Variants in FSTL4 observed in about 807,000 individuals in gnomAD.
FSTL4 encodes follistatin like 4.
FSTL4 carries 28 observed loss-of-function variants against 78.2 expected under a neutral mutation model. That is an observed-to-expected ratio of 0.36 (90% CI 0.27 to 0.49). The LOEUF (loss-of-function observed/expected upper bound fraction) is 0.49. FSTL4 is among the 20% of genes least tolerant of loss of function. The pLI, the probability that FSTL4 is intolerant of heterozygous loss-of-function variation, is 0.98. For synonymous variants in FSTL4, 422 were observed against 440.5 expected (o/e 0.96, Z 0.53); for missense variants, 922 against 1,084.9 (o/e 0.85, Z 2.11).
intron 5 of FSTL4, 145 bp downstream of exon 5, chr5:133,316,314 G>T (rs1446493356): frequency 6.6e-6 from 4 of 608,222 alleles, no homozygotes; most frequent in Non-Finnish European, 1.1e-5. Flanking sequence ...GCTAAAGGTG[G>T]CTGGTGGGAA....
chr5:133,418,539 G>A (rs1334279502), intron 3 of FSTL4, among the ~76,000 whole-genome samples: 2 of 151,818 alleles, frequency 1.3e-5, no homozygotes, highest in Non-Finnish European at 2.9e-5. Context: ...TATGGAAATG[G>A]TTATAGAAAT....
chr5:133,667,124 G>C, the FSTL4 span, among the ~76,000 whole-genome samples: 1 of 152,072 alleles, frequency 6.6e-6, no homozygotes, highest in African/African-American at 2.4e-5. Context: ...TCTCCGTCTC[G>C]ACAAAAGGCC....
At chr5:133,554,115 T>C (rs893216029) in intron 3 of FSTL4, among the ~76,000 whole-genome samples, 9 of 152,160 alleles carry the variant, frequency 5.9e-5, no homozygotes, top group Non-Finnish European at 1.0e-4. Flanking sequence ...CCATGAATGG[T>C]AGAGACTAGA....
intron 4 of FSTL4, among the ~76,000 whole-genome samples, chr5:133,353,256 G>T (rs1754869224): frequency 6.6e-6 from 1 of 152,196 alleles, no homozygotes; most frequent in Admixed American, 6.5e-5. Flanking sequence ...ATGTAATTGG[G>T]CCTTACAAAT....
the FSTL4 span, among the ~76,000 whole-genome samples, chr5:133,769,804 A>G: frequency 0.54 from 81,495 of 151,990 alleles, 22,527 homozygotes; most frequent in Non-Finnish European, 0.61. Flanking sequence ...CCATCACCTG[A>G]ATAGTGAACA....
At chr5:133,268,909 C>T (rs764750337) in intron 6 of FSTL4, among the ~76,000 whole-genome samples, 3 of 151,350 alleles carry the variant, frequency 2.0e-5, no homozygotes, top group African/African-American at 7.3e-5. Context: ...AGGCTGGGCG[C>T]GGTGGCTCGT....
chr5:133,333,627 G>C (rs7715891), intron 4 of FSTL4, among the ~76,000 whole-genome samples: 15,534 of 152,224 alleles, frequency 0.1, 1,084 homozygotes, highest in African/African-American at 0.19. Flanking sequence ...AGAAATGTAG[G>C]GAACACAAAG....
chr5:133,838,182 C>A, the FSTL4 span, among the ~76,000 whole-genome samples: 1 of 152,232 alleles, frequency 6.6e-6, no homozygotes, highest in South Asian at 2.1e-4. Context: ...GCCACCGTGC[C>A]CAGCCAAGAT....
At position 133,251,174 on chromosome 5, in the gene FSTL4, T is replaced by G. The variant is rs1314881102; in HGVS notation, c.728-1598A>C. Among the ~76,000 whole-genome samples, 38 of 152,238 alleles carry G rather than the reference T, an allele frequency of 2.5e-4. 1 individual carries two copies. The highest frequency in any genetic ancestry group is 2.5e-3 in the Admixed American group (38 of 15,280). On this transcript the variant is annotated intron_variant, in intron 6 of 15. Transcript: ENST00000265342. ...GAGAGAAGGCACTAACTCTGTAGCA[T>G]GACCCGGCCTTTGGAGAGGGGAAAG...
intron 3 of FSTL4, among the ~76,000 whole-genome samples, chr5:133,492,710 A>G (rs1029215444): frequency 2.0e-5 from 3 of 152,094 alleles, no homozygotes; most frequent in Non-Finnish European, 4.4e-5. Flanking sequence ...AGGCATTTAT[A>G]TCTTTAAAAA....
chr5:133,712,566 C>CG, the FSTL4 span, among the ~76,000 whole-genome samples: 1 of 152,198 alleles, frequency 6.6e-6, no homozygotes, highest in Non-Finnish European at 1.5e-5. Context: ...TGAGTTAACA[C>CG]GGGTAACCCC....
intron 5 of FSTL4, among the ~76,000 whole-genome samples, chr5:133,315,092 G>A (rs912928840): frequency 6.6e-6 from 1 of 152,160 alleles, no homozygotes; most frequent in African/African-American, 2.4e-5. Flanking sequence ...AGCCTGGGAG[G>A]CAGAGGCTGC....
chr5:133,455,476 AGC>A (rs1757469559), intron 3 of FSTL4, among the ~76,000 whole-genome samples: 3 of 67,032 alleles, frequency 4.5e-5, no homozygotes, highest in South Asian at 3.8e-4. Flanking sequence ...TTGTTTTTTA[AGC>A]ATATATATAT....
chr5:133,335,584 G>T (rs1296756318), intron 4 of FSTL4, among the ~76,000 whole-genome samples: 1 of 151,516 alleles, frequency 6.6e-6, no homozygotes, highest in Non-Finnish European at 1.5e-5. Flanking sequence ...TACCTGAAAT[G>T]TCCCCCTATC....
intron 6 of FSTL4, among the ~76,000 whole-genome samples, chr5:133,287,404 AT>A (rs1303197925): frequency 2.0e-5 from 3 of 150,386 alleles, no homozygotes; most frequent in African/African-American, 7.5e-5. Flanking sequence ...AAAAAAAAAA[AT>A]GCTTTGTAGG....
the FSTL4 span, among the ~76,000 whole-genome samples, chr5:133,836,638 T>TC: frequency 1.3e-5 from 2 of 151,972 alleles, no homozygotes. Flanking sequence ...CTTCAGATGT[T>TC]CCTTTTTTTT....
chr5:133,368,954 A>G (rs999641895), intron 4 of FSTL4, among the ~76,000 whole-genome samples: 1 of 152,194 alleles, frequency 6.6e-6, no homozygotes, highest in Non-Finnish European at 1.5e-5. Flanking sequence ...TTTTCTGCAT[A>G]AAGGGGATTT....
chr5:133,791,712 C>G, the FSTL4 span, among the ~76,000 whole-genome samples: 6 of 152,352 alleles, frequency 3.9e-5, no homozygotes, highest in Admixed American at 2.6e-4. Flanking sequence ...TCCCCTGCAG[C>G]CTTGTCCATT....
At chr5:133,293,046 G>A (rs1338886348) in intron 6 of FSTL4, among the ~76,000 whole-genome samples, 2 of 152,226 alleles carry the variant, frequency 1.3e-5, no homozygotes, top group Non-Finnish European at 2.9e-5. Context: ...TCCCCTCTGT[G>A]GGGCCAGGCT....
Sources: allele counts gnomAD v4.1 joint callset (sites outside exome capture counted in the v4.1 genomes callset), GRCh38; gene constraint gnomAD v4.1.1; transcripts MANE v1.5; gene names NCBI Gene and HGNC (gene_info 2026-07-23, HGNC 2026-07-21).